WWOX: variants seen among roughly 807,000 people sequenced by gnomAD.
The protein encoded by WWOX is WW domain containing oxidoreductase, also known as WW domain-containing oxidoreductase.
Under a neutral mutation model 46.2 loss-of-function variants are expected in WWOX, and 69 were observed. That is an observed-to-expected ratio of 1.49 (90% CI 1.23 to 1.82). The LOEUF is 1.82. WWOX is among the 40% of genes most tolerant of loss of function. WWOX has a pLI of 0.00. For synonymous variants in WWOX, 359 were observed against 202.6 expected, an observed-to-expected ratio of 1.77 and a Z score of -6.56; for missense variants, 919 against 542.6, an observed-to-expected ratio of 1.69 and a Z score of -6.89.
rs1171804094 is a variant in WWOX, at chr16:78,399,638, C to G, written c.605+12690C>G. On this transcript the variant is annotated intron_variant, in intron 6 of 8. Coordinates refer to ENST00000566780, the MANE Select transcript of WWOX (RefSeq NM_016373.4). ...GCGTCAGGGTTTCAACATTTGGTTACTCTCAGAGAACTCTCGATTTATATA... is the reference window on the plus strand; with the variant it reads ...GCGTCAGGGTTTCAACATTTGGTTAGTCTCAGAGAACTCTCGATTTATATA... Among the ~76,000 whole-genome samples, 3 of 152,170 alleles carry G rather than the reference C, an allele frequency of 2.0e-5. No individual in the cohort carries two copies. In the South Asian group the frequency reaches 6.2e-4, roughly 32 times the overall value.
intron 8 of WWOX, among the ~76,000 whole-genome samples, chr16:79,037,222 A>T (rs761093125): frequency 6.6e-6 from 1 of 152,106 alleles, no homozygotes; most frequent in Non-Finnish European, 1.5e-5. Flanking sequence ...ACAGTAATTC[A>T]TTTGTTCGTT....
intron 5 of WWOX, among the ~76,000 whole-genome samples, chr16:78,366,688 T>G (rs2081542830): frequency 6.6e-6 from 1 of 152,186 alleles, no homozygotes; most frequent in South Asian, 2.1e-4. Flanking sequence ...AAGCTGAGTA[T>G]TTGGGAGATA....
At chr16:78,688,105 TA>T (rs1388170464) in intron 8 of WWOX, among the ~76,000 whole-genome samples, 3 of 130,148 alleles carry the variant, frequency 2.3e-5, no homozygotes, top group African/African-American at 9.1e-5. Flanking sequence ...GAATGGTTAT[TA>T]TTTCTATATA....
chr16:78,440,345 G>A (rs979606113), intron 8 of WWOX, among the ~76,000 whole-genome samples: 11 of 152,064 alleles, frequency 7.2e-5, no homozygotes, highest in African/African-American at 2.7e-4. Context: ...TTTGAAACAT[G>A]TTCTTCAGCC....
intron 8 of WWOX, among the ~76,000 whole-genome samples, chr16:79,157,000 T>A (rs1053400348): frequency 2.0e-5 from 3 of 152,234 alleles, no homozygotes; most frequent in Admixed American, 6.5e-5. Flanking sequence ...TGGCCCTTGT[T>A]GTAGAAGAAT....
At chr16:78,971,132 T>C (rs551275167) in intron 8 of WWOX, among the ~76,000 whole-genome samples, 61 of 152,164 alleles carry the variant, frequency 4.0e-4, no homozygotes, top group Admixed American at 1.8e-3. Flanking sequence ...GTGAGCCATA[T>C]GCTTTATTCC....
chr16:78,603,685 C>T (rs2045678248), intron 8 of WWOX, among the ~76,000 whole-genome samples: 1 of 152,192 alleles, frequency 6.6e-6, no homozygotes, highest in Middle Eastern at 3.4e-3. Context: ...CAGAGTGAGA[C>T]ACTCTCAAAA....
At chr16:78,976,802 C>G (rs978455136) in intron 8 of WWOX, among the ~76,000 whole-genome samples, 2 of 152,172 alleles carry the variant, frequency 1.3e-5, no homozygotes, top group Admixed American at 6.5e-5. Flanking sequence ...GATCTTAGTG[C>G]TGACAGTGTC....
chr16:79,072,930 G>T (rs2048578803), intron 8 of WWOX, among the ~76,000 whole-genome samples: 1 of 152,164 alleles, frequency 6.6e-6, no homozygotes, highest in Non-Finnish European at 1.5e-5. Context: ...CTAAGTGGAA[G>T]TGTTTTCCCC....
At chr16:79,206,978 A>T (rs1332080636) in intron 8 of WWOX, among the ~76,000 whole-genome samples, 2 of 152,090 alleles carry the variant, frequency 1.3e-5, no homozygotes, top group African/African-American at 4.8e-5. Flanking sequence ...TTGAAGCTGT[A>T]ATTGTTTGTG....
chr16:78,491,753 G>C (rs1307045495), intron 8 of WWOX, among the ~76,000 whole-genome samples: 1 of 152,176 alleles, frequency 6.6e-6, no homozygotes, highest in Non-Finnish European at 1.5e-5. Flanking sequence ...GCTGGGAGAT[G>C]GGAGCTGAAT....
At chr16:78,751,507 A>T (rs1028651265) in intron 8 of WWOX, among the ~76,000 whole-genome samples, 1 of 145,830 alleles carries the variant, frequency 6.9e-6, no homozygotes, top group Admixed American at 6.8e-5. Context: ...TTGTATATAA[A>T]TATACATGTA....
intron 7 of WWOX, among the ~76,000 whole-genome samples, chr16:78,431,316 A>T (rs774493517): frequency 2.6e-5 from 4 of 152,222 alleles, no homozygotes; most frequent in South Asian, 4.1e-4. Context: ...TTTTAAACGT[A>T]TAAGACTATT....
intron 8 of WWOX, among the ~76,000 whole-genome samples, chr16:79,072,576 T>A (rs968146866): frequency 6.6e-6 from 1 of 152,234 alleles, no homozygotes. Flanking sequence ...GTTGACGTTT[T>A]TATTTATTAA....
intron 8 of WWOX, among the ~76,000 whole-genome samples, chr16:78,455,879 C>CT (rs2083805790): frequency 1.3e-5 from 2 of 151,512 alleles, no homozygotes; most frequent in Non-Finnish European, 2.9e-5. Context: ...AAAAAACTAA[C>CT]TTTTATTTTT....
chr16:79,166,728 A>G (rs2050601885), intron 8 of WWOX, among the ~76,000 whole-genome samples: 1 of 152,210 alleles, frequency 6.6e-6, no homozygotes, highest in African/African-American at 2.4e-5. Flanking sequence ...CACTTCCAGC[A>G]CCTGCTCAGA....
At chr16:78,460,345 C>T (rs543425380) in intron 8 of WWOX, among the ~76,000 whole-genome samples, 20 of 152,120 alleles carry the variant, frequency 1.3e-4, no homozygotes, top group African/African-American at 4.8e-4. Flanking sequence ...CCAGGTTGTT[C>T]TCAAACTACT....
chr16:78,335,722 A>C, intron 5 of WWOX, among the ~76,000 whole-genome samples: 1 of 152,316 alleles, frequency 6.6e-6, no homozygotes, highest in Admixed American at 6.5e-5. Context: ...CAAGTCTTCC[A>C]TGTGATTCTG....
chr16:78,781,745 A>C (rs1348038911), intron 8 of WWOX, among the ~76,000 whole-genome samples: 1 of 152,168 alleles, frequency 6.6e-6, no homozygotes, highest in African/African-American at 2.4e-5. Flanking sequence ...CCTGCACTCC[A>C]GTCTGGGCAA....
Sources: allele counts gnomAD v4.1 joint callset (sites outside exome capture counted in the v4.1 genomes callset), GRCh38; gene constraint gnomAD v4.1.1; transcripts MANE v1.5; gene names NCBI Gene and HGNC (gene_info 2026-07-23, HGNC 2026-07-21).